EDA: variants seen among roughly 807,000 people sequenced by gnomAD.
EDA encodes the protein ectodysplasin A.
In EDA, 2 loss-of-function variants were observed where a neutral mutation model predicts 23.6. That is an observed-to-expected ratio of 0.08 (90% CI 0.03 to 0.27). The LOEUF (loss-of-function observed/expected upper bound fraction) is 0.27, where lower values mean the gene tolerates loss of function less well. EDA is among the 10% of genes least tolerant of loss of function. EDA has a pLI of 1.00. For missense variants in EDA, 229 were observed against 324.2 expected, an observed-to-expected ratio of 0.71 and a Z score of 2.26; for synonymous variants, 131 against 132.0, an observed-to-expected ratio of 0.99 and a Z score of 0.05.
At chrX:69,679,809 T>C (rs778131727) in intron 1 of EDA, among the ~76,000 whole-genome samples, 1 of 110,638 alleles carries the variant, frequency 9.0e-6, no homozygotes, top group East Asian at 2.9e-4. Flanking sequence ...GTTTTTTGTG[T>C]CTCTATTTCC....
chrX:69,836,677 C>G (rs1435639190), intron 1 of EDA, among the ~76,000 whole-genome samples: 1 of 112,653 alleles, frequency 8.9e-6, no homozygotes, highest in Non-Finnish European at 1.9e-5. Flanking sequence ...TCCCCCAACT[C>G]TTTGCACTTC....
chrX:69,972,000 A>T, intron 2 of EDA, among the ~76,000 whole-genome samples: 1 of 111,413 alleles, frequency 9.0e-6, no homozygotes, highest in African/African-American at 3.3e-5. Flanking sequence ...TTGGTAACTT[A>T]TTGGGAGATC....
chrX:69,889,014 ATATATATT>A (rs2017881773), intron 1 of EDA, among the ~76,000 whole-genome samples: 2 of 73,795 alleles, frequency 2.7e-5, no homozygotes, highest in African/African-American at 5.1e-5. Flanking sequence ...ATATATATAT[ATATATATT>A]ATGTTTTTCC....
At chrX:69,639,262 A>G (rs1004201113) in intron 1 of EDA, among the ~76,000 whole-genome samples, 3 of 111,551 alleles carry the variant, frequency 2.7e-5, no homozygotes, top group Non-Finnish European at 5.7e-5. Context: ...CCTGTTTTCA[A>G]TTCATTTAGG....
At chrX:69,904,011 C>T (rs1490182239) in intron 1 of EDA, among the ~76,000 whole-genome samples, 1 of 110,039 alleles carries the variant, frequency 9.1e-6, no homozygotes, top group African/African-American at 3.3e-5. Context: ...CGGGGTTTCC[C>T]ATGTTGGGCA....
At chrX:69,788,112 A>G (rs746628983) in intron 1 of EDA, among the ~76,000 whole-genome samples, 41,229 of 109,771 alleles carry the variant, frequency 0.38, 7,034 homozygotes, top group Middle Eastern at 0.64. Flanking sequence ...CATTCTTCAC[A>G]TAGTTCTCGA....
At chrX:70,001,432 A>G in intron 2 of EDA, among the ~76,000 whole-genome samples, 2 of 111,972 alleles carry the variant, frequency 1.8e-5, no homozygotes. Context: ...ACTCCTCCTC[A>G]GTGAAGAGGA....
chrX:69,701,629 G>A (rs1602311366), intron 1 of EDA, among the ~76,000 whole-genome samples: 1 of 111,916 alleles, frequency 8.9e-6, no homozygotes. Context: ...AGATATCGGG[G>A]GTGGATTGGG....
chrX:69,651,160 A>G (rs191237862), intron 1 of EDA, among the ~76,000 whole-genome samples: 6 of 111,922 alleles, frequency 5.4e-5, no homozygotes, highest in East Asian at 2.8e-4. Flanking sequence ...AGTAGAGGGC[A>G]TGTTGGTGGG....
chrX:69,620,774 C>T, intron 1 of EDA: 1 of 303,272 alleles, frequency 3.3e-6, no homozygotes, highest in Non-Finnish European at 6.3e-6. Context: ...TTGTCTTTCT[C>T]CATAATGCCT....
At chrX:69,955,262 G>C (rs897832141) in intron 1 of EDA, among the ~76,000 whole-genome samples, 2 of 111,930 alleles carry the variant, frequency 1.8e-5, no homozygotes, top group Non-Finnish European at 3.8e-5. Context: ...CCAATCAAGT[G>C]ACTCAAAAAT....
At chrX:69,877,521 C>CT (rs758925726) in intron 1 of EDA, among the ~76,000 whole-genome samples, 189 of 110,525 alleles carry the variant, frequency 1.7e-3, no homozygotes, top group African/African-American at 5.9e-3. Flanking sequence ...CCCATTTTTT[C>CT]TTTTTTTTGT....
In EDA at chrX:69,766,601, G is replaced by A. The variant is rs759641257; in HGVS notation, c.396+149897G>A. 3.0e-4 allele frequency among the ~76,000 whole-genome samples: 34 copies of A among 111,835 alleles called. No individual in the cohort carries two copies. In the South Asian group the frequency reaches 0.011, roughly 37 times the overall value. Reference sequence around the variant, plus strand: ...GATAATGGCTTCCAGCTCTATTCACGTTCCTGCAGGAGGCATGGTCTCATT... The same window carrying A: ...GATAATGGCTTCCAGCTCTATTCACATTCCTGCAGGAGGCATGGTCTCATT... On this transcript the variant is annotated intron_variant, in intron 1 of 7. Coordinates refer to ENST00000374552, the MANE Select transcript of EDA (RefSeq NM_001399.5).
chrX:69,939,804 G>A (rs1327579974), intron 1 of EDA, among the ~76,000 whole-genome samples: 1 of 111,771 alleles, frequency 8.9e-6, no homozygotes, highest in African/African-American at 3.2e-5. Context: ...AACAGATGTT[G>A]AATTTTATCA....
intron 1 of EDA, among the ~76,000 whole-genome samples, chrX:69,681,829 G>A (rs1308132529): frequency 8.9e-6 from 1 of 111,953 alleles, no homozygotes; most frequent in Non-Finnish European, 1.9e-5. Flanking sequence ...GCTCGTCAAA[G>A]TCATTCTCCG....
intron 1 of EDA, among the ~76,000 whole-genome samples, chrX:69,851,448 ATAT>A (rs759685750): frequency 6.2e-5 from 7 of 112,668 alleles, no homozygotes; most frequent in Admixed American, 5.6e-4. Context: ...TTAATCACAC[ATAT>A]TATAACTTAT....
At chrX:69,981,659 A>G (rs1000966258) in intron 2 of EDA, among the ~76,000 whole-genome samples, 1 of 112,149 alleles carries the variant, frequency 8.9e-6, no homozygotes, top group Non-Finnish European at 1.9e-5. Context: ...GTTCTCTAGA[A>G]GCTTTTTCAG....
intron 1 of EDA, among the ~76,000 whole-genome samples, chrX:69,863,491 G>A (rs1187933523): frequency 1.1e-5 from 1 of 93,445 alleles, no homozygotes; most frequent in African/African-American, 3.9e-5. Flanking sequence ...GAAGAAAAGT[G>A]TATATATATA....
chrX:69,679,878 G>A (rs867338989), intron 1 of EDA, among the ~76,000 whole-genome samples: 14 of 106,652 alleles, frequency 1.3e-4, no homozygotes, highest in South Asian at 8.7e-4. Flanking sequence ...GAATGTGTTT[G>A]CTCTTGCTTT....
Sources: allele counts gnomAD v4.1 joint callset (sites outside exome capture counted in the v4.1 genomes callset), GRCh38; gene constraint gnomAD v4.1.1; transcripts MANE v1.5; gene names NCBI Gene and HGNC (gene_info 2026-07-23, HGNC 2026-07-21).